Variants in SLC24A4 observed in about 807,000 individuals in gnomAD.
SLC24A4 encodes the protein sodium/potassium/calcium exchanger 4.
A neutral mutation model predicts 79.0 loss-of-function variants in SLC24A4; 53 were observed. That is an observed-to-expected ratio of 0.67 (90% CI 0.54 to 0.84). The LOEUF (loss-of-function observed/expected upper bound fraction) is 0.84, where lower values mean the gene tolerates loss of function less well. SLC24A4 is among the 40% of genes least tolerant of loss of function. SLC24A4 has a pLI of 0.00. For missense variants in SLC24A4, 731 were observed against 822.0 expected (o/e 0.89, Z 1.35); for synonymous variants, 323 against 323.8 (o/e 1.00, Z 0.03).
chr14:92,350,342 C>G (rs1395096338), intron 2 of SLC24A4, among the ~76,000 whole-genome samples: 1 of 152,200 alleles, frequency 6.6e-6, no homozygotes, highest in Non-Finnish European at 1.5e-5. Context: ...ACCTAACACT[C>G]TGTCCTTTCA....
At chr14:92,430,539 C>A (rs1389291096) in intron 2 of SLC24A4, among the ~76,000 whole-genome samples, 1 of 152,228 alleles carries the variant, frequency 6.6e-6, no homozygotes, top group Non-Finnish European at 1.5e-5. Flanking sequence ...GGAAGGACCT[C>A]CTCCAGCTTC....
chr14:92,331,214 C>A (rs77164690), intron 2 of SLC24A4, among the ~76,000 whole-genome samples: 10,038 of 152,262 alleles, frequency 0.066, 406 homozygotes, highest in Middle Eastern at 0.13. Flanking sequence ...TTCAAAGTAG[C>A]CCTCTGAGTC....
At chr14:92,485,201 C>T (rs1436102189) in intron 13 of SLC24A4, among the ~76,000 whole-genome samples, 2 of 152,164 alleles carry the variant, frequency 1.3e-5, no homozygotes, top group Non-Finnish European at 2.9e-5. Flanking sequence ...TGGTGGCTCA[C>T]ACCTGTAATC....
intron 2 of SLC24A4, among the ~76,000 whole-genome samples, chr14:92,385,372 G>A (rs181913739): frequency 1.4e-3 from 213 of 152,040 alleles, no homozygotes; most frequent in Admixed American, 5.5e-3. Flanking sequence ...GGGCGTGTGC[G>A]TGTAATCTCA....
rs761925953 is a variant in SLC24A4, at chr14:92,482,884, C to G, written c.1422+38C>G. On this transcript the variant is annotated intron_variant, in intron 13 of 16. Coordinates refer to ENST00000532405, the MANE Select transcript of SLC24A4 (RefSeq NM_153646.4). ...AGCAGGGGGTGGACTGTGTGCACAG[C>G]CAGGGAGAGGTGGAGAGCTGGGTTC... The G allele has an allele frequency of 1.5e-5, 23 of 1,573,912 alleles. No individual in the cohort carries two copies. In the South Asian group the frequency reaches 2.4e-4, roughly 16 times the overall value.
intron 2 of SLC24A4, among the ~76,000 whole-genome samples, chr14:92,359,350 C>G (rs188462218): frequency 1.3e-5 from 2 of 152,122 alleles, no homozygotes; most frequent in African/African-American, 4.8e-5. Context: ...CCAAGGCAGG[C>G]GGATCATGAG....
chr14:92,449,007 C>A (rs1426667926), intron 9 of SLC24A4, 67 bp from the exon 10 acceptor site: 1 of 1,579,950 alleles, frequency 6.3e-7, no homozygotes, highest in East Asian at 2.2e-5. Context: ...GGGGTGTGAT[C>A]CACCCGCTGC....
intron 9 of SLC24A4, 52 bp downstream of exon 9, chr14:92,447,476 G>A (rs1184301318): frequency 6.5e-7 from 1 of 1,528,194 alleles, no homozygotes; most frequent in East Asian, 2.2e-5. Flanking sequence ...CCCACTGCCT[G>A]CTACAGCCTT....
intron 2 of SLC24A4, among the ~76,000 whole-genome samples, chr14:92,381,609 TA>T (rs1177596373): frequency 2.0e-5 from 3 of 151,816 alleles, no homozygotes; most frequent in African/African-American, 4.8e-5. Flanking sequence ...AAGTACAATT[TA>T]AAAAAAAATT....
chr14:92,347,980 GC>G (rs1886636962), intron 2 of SLC24A4, among the ~76,000 whole-genome samples: 1 of 152,140 alleles, frequency 6.6e-6, no homozygotes, highest in Non-Finnish European at 1.5e-5. Context: ...AAATACTTGT[GC>G]CTTGTGCCTA....
intron 14 of SLC24A4, among the ~76,000 whole-genome samples, chr14:92,491,121 C>T (rs1221876104): frequency 6.6e-6 from 1 of 152,210 alleles, no homozygotes; most frequent in African/African-American, 2.4e-5. Flanking sequence ...TTCATTCTCT[C>T]TCTAATGGGC....
At chr14:92,401,911 AG>A (rs1294153815) in intron 2 of SLC24A4, among the ~76,000 whole-genome samples, 2 of 152,172 alleles carry the variant, frequency 1.3e-5, no homozygotes, top group African/African-American at 4.8e-5. Flanking sequence ...ACCCACCAAT[AG>A]CAAAATTCAT....
intron 2 of SLC24A4, among the ~76,000 whole-genome samples, chr14:92,382,613 A>C (rs2141714767): frequency 6.6e-6 from 1 of 152,286 alleles, no homozygotes. Flanking sequence ...GCAGAAGCGA[A>C]AGGAAGAAAG....
chr14:92,483,695 A>G, intron 13 of SLC24A4: 2 of 1,269,490 alleles, frequency 1.6e-6, no homozygotes, highest in Non-Finnish European at 2.1e-6. Flanking sequence ...TATACCACCT[A>G]ATGGGGTCCC....
chr14:92,478,577 T>C (rs1023638175), intron 12 of SLC24A4, among the ~76,000 whole-genome samples: 2 of 152,134 alleles, frequency 1.3e-5, no homozygotes, highest in African/African-American at 4.8e-5. Flanking sequence ...ATTCTTCCAG[T>C]AGCAGTCTCT....
At chr14:92,404,946 G>T (rs114754985) in intron 2 of SLC24A4, among the ~76,000 whole-genome samples, 2,978 of 152,096 alleles carry the variant, frequency 0.02, 94 homozygotes, top group African/African-American at 0.067. Context: ...GAAAAGAAAA[G>T]AATAAGTCTT....
rs1895981963 is a variant in SLC24A4, at chr14:92,497,778, C to G, written c.*4150C>G. On this transcript the variant is annotated 3_prime_UTR_variant, in exon 17 of 17. Transcript: ENST00000532405. ...GGGTTGGTCTTTTGTCTCGCATCCCCATCTTTCCTTTCCTTCTGGGCCATG... is the reference window on the plus strand; with the variant it reads ...GGGTTGGTCTTTTGTCTCGCATCCCGATCTTTCCTTTCCTTCTGGGCCATG... 1 of 152,424 alleles carries G rather than the reference C, an allele frequency of 6.6e-6. No homozygotes were observed. The highest frequency in any genetic ancestry group is 2.1e-4 in the South Asian group (1 of 4,830). 9.4% of individuals were successfully genotyped at this position (152,424 alleles called of 1,614,324 possible).
intron 2 of SLC24A4, among the ~76,000 whole-genome samples, chr14:92,389,608 G>A (rs1342313408): frequency 6.6e-6 from 1 of 152,140 alleles, no homozygotes; most frequent in Non-Finnish European, 1.5e-5. Context: ...TGCCCGCAAG[G>A]ACCTAGCAAT....
At chr14:92,386,949 C>T (rs569557494) in intron 2 of SLC24A4, among the ~76,000 whole-genome samples, 7 of 152,286 alleles carry the variant, frequency 4.6e-5, no homozygotes, top group African/African-American at 1.7e-4. Flanking sequence ...CACAAATGCA[C>T]TTCAACCTTG....
Sources: gnomAD v4.1 joint callset for allele counts (sites outside exome capture counted in the v4.1 genomes callset) on GRCh38, gnomAD v4.1.1 for gene constraint, MANE v1.5 for transcripts, NCBI Gene and HGNC (gene_info 2026-07-23, HGNC 2026-07-21) for gene names.